The following ACSL6 variants were observed in gnomAD, a reference collection of about 807,000 sequenced individuals.
ACSL6 encodes the protein acyl-CoA synthetase long chain family member 6.
Under a neutral mutation model 98.2 loss-of-function variants are expected in ACSL6, and 47 were observed. The ratio of observed to expected loss-of-function variants is 0.48; its 90% CI spans 0.38 to 0.61. ACSL6 has a LOEUF of 0.61. Among genes scored for constraint, ACSL6 ranks in the 20% least tolerant of loss-of-function variants. The pLI is 0.00. For synonymous variants in ACSL6, 362 were observed against 336.9 expected (o/e 1.07, Z -0.82); for missense variants, 761 against 913.4 (o/e 0.83, Z 2.15).
At chr5:131,988,596 G>A in intron 6 of ACSL6, 1 of 1,612,944 alleles carries the variant, frequency 6.2e-7, no homozygotes. Context: ...CTTGGCAGCT[G>A]AGCCCTGTGG....
intron 9 of ACSL6, among the ~76,000 whole-genome samples, chr5:131,979,775 T>A (rs1753798946): frequency 1.3e-5 from 2 of 152,212 alleles, no homozygotes; most frequent in Admixed American, 1.3e-4. Context: ...CCTTTTCTGG[T>A]GCAATGTCAG....
intron 9 of ACSL6, chr5:131,985,131 C>A (rs1754105343): frequency 2.1e-6 from 1 of 480,574 alleles, no homozygotes; most frequent in African/African-American, 1.9e-5. Context: ...GACCTTCCCT[C>A]AGCACATGAT....
chr5:131,971,484 T>C, intron 14 of ACSL6, 66 bp downstream of exon 14: 1 of 1,349,138 alleles, frequency 7.4e-7, no homozygotes, highest in South Asian at 1.6e-5. Context: ...CAGTAGAGGG[T>C]ATAGTAGTTT....
At chr5:131,990,002 C>A in intron 4 of ACSL6, 98 bp downstream of exon 4, 1 of 1,277,798 alleles carries the variant, frequency 7.8e-7, no homozygotes, top group Non-Finnish European at 1.1e-6. Flanking sequence ...AAATAAATGA[C>A]CCTCTGAGAC....
At chr5:131,990,502 C>T (rs1245031742) in intron 3 of ACSL6, among the ~76,000 whole-genome samples, 1 of 152,150 alleles carries the variant, frequency 6.6e-6, no homozygotes. Context: ...GGCTGCCTCT[C>T]TTTGCCTCTT....
At chr5:131,975,949 T>C in intron 10 of ACSL6, 1 of 985,464 alleles carries the variant, frequency 1.0e-6, no homozygotes, top group South Asian at 4.7e-5. Flanking sequence ...AGTTTTCTAC[T>C]AAGTGTTTGG....
chr5:131,999,093 C>T (rs1028403464), intron 1 of ACSL6, among the ~76,000 whole-genome samples: 2 of 152,176 alleles, frequency 1.3e-5, no homozygotes, highest in Non-Finnish European at 2.9e-5. Flanking sequence ...GAAAAGAAAA[C>T]TACAACCTCT....
chr5:131,991,895 G>T (rs1248398504), intron 2 of ACSL6, among the ~76,000 whole-genome samples: 2 of 152,206 alleles, frequency 1.3e-5, no homozygotes, highest in African/African-American at 4.8e-5. Context: ...GTTTTCGAGT[G>T]GAAAGTTCTG....
rs1387058196 is a variant in ACSL6, at chr5:131,996,672, T to C, written c.50-2421A>G. ...ACTCTGAGCTTTGCATATTGTGGCATTCGGTGCAATGCTAGAGTTTTTACA... is the reference window on the plus strand; with the variant it reads ...ACTCTGAGCTTTGCATATTGTGGCACTCGGTGCAATGCTAGAGTTTTTACA... On this transcript the variant is annotated intron_variant, in intron 1 of 20. Transcript: ENST00000651883. 6.6e-5 allele frequency among the ~76,000 whole-genome samples: 10 copies of C among 152,350 alleles called. No homozygotes were observed. The South Asian group carries it at 2.1e-3, about 32-fold the overall frequency.
chr5:131,954,282 T>C lies in ACSL6; in HGVS notation c.2121A>G (p.Arg707=), dbSNP rs1314960666. The C allele has an allele frequency of 2.5e-6, 4 of 1,614,022 alleles. No individual in the cohort carries two copies. In the Admixed American group the frequency reaches 6.7e-5, roughly 27 times the overall value. Residue 707 remains arginine (R), a synonymous_variant, in exon 21 of 21, where the codon AGA becomes AGG. Transcript: ENST00000651883. ...PTLKAKRPEL[R]EYFKKQIEEL... Reference sequence around the variant, plus strand: ...CTTCTATTTGTTTTTTGAAGTACTCTCTCAGCTCAGGTCTCTTAGCTTTTA... The same window carrying C: ...CTTCTATTTGTTTTTTGAAGTACTCCCTCAGCTCAGGTCTCTTAGCTTTTA...
intron 9 of ACSL6, among the ~76,000 whole-genome samples, chr5:131,981,152 C>T (rs1341876406): frequency 3.9e-5 from 6 of 152,050 alleles, no homozygotes; most frequent in African/African-American, 1.2e-4. Context: ...ACCAAAGCTT[C>T]GGGGGCTTTG....
At chr5:132,011,906 G>T, upstream of ACSL6, 2 of 1,555,934 alleles carry the variant, frequency 1.3e-6, no homozygotes, top group Non-Finnish European at 8.7e-7. This position sits in a 1 kb window ranked among gnomAD's most constrained non-coding sequence, Gnocchi z 5.4. Context: ...GCTCTCCAAC[G>T]TCAGTACCTG....
At position 131,985,414 on chromosome 5, in the gene ACSL6, G is replaced by A. The variant is rs751373745; in HGVS notation, c.909C>T (p.Gly303=). 1.9e-6 allele frequency: 3 copies of A among 1,614,058 alleles called. No homozygotes were observed. The highest frequency in any genetic ancestry group is 2.2e-5 in the East Asian group (1 of 44,880). ...CTGCGTGCCTCTGCTTACCTGTCGT[G>A]CCGCTTGTGAAACACACAATGGAGA... is the stretch of plus-strand genomic sequence containing the variant. ...DDLSIVCFTS[G]TTGNPKGAML... Residue 303 remains glycine, a synonymous_variant, in exon 9 of 21, where the codon GGC becomes GGT. Transcript: ENST00000651883.
rs552541351 is a variant in ACSL6, at chr5:131,976,548, A to C, written c.990+100T>G. On this transcript the variant is annotated intron_variant, in intron 10 of 20. Transcript: ENST00000651883. ...TGGCAGCCCAGGTTATATCAAGAAAAAAAAAAAAAGAAAAAGAAAACAAAC... is the reference window on the plus strand; with the variant it reads ...TGGCAGCCCAGGTTATATCAAGAAACAAAAAAAAAGAAAAAGAAAACAAAC... 30 of 1,154,674 alleles carry C rather than the reference A, an allele frequency of 2.6e-5. 1 individual carries two copies. In the South Asian group the frequency reaches 4.2e-4, roughly 16 times the overall value. 71.5% of individuals were successfully genotyped at this position (1,154,674 alleles called of 1,614,324 possible).
At chr5:131,988,549 G>T (rs764630435) in intron 6 of ACSL6, 1 of 1,547,288 alleles carries the variant, frequency 6.5e-7, no homozygotes, top group Non-Finnish European at 8.8e-7. Context: ...ACTTCAGAGG[G>T]CTGTACCCTG....
At chr5:131,978,736 G>A (rs887839307) in intron 9 of ACSL6, among the ~76,000 whole-genome samples, 4 of 152,140 alleles carry the variant, frequency 2.6e-5, no homozygotes, top group African/African-American at 9.7e-5. Context: ...TACCCCCGCG[G>A]CACAAATTTA....
intron 6 of ACSL6, chr5:131,988,528 A>G: frequency 1.2e-6 from 2 of 1,607,762 alleles, no homozygotes; most frequent in Non-Finnish European, 1.7e-6. Flanking sequence ...ATCTGTGCCA[A>G]GCTGTCATGA....
At chr5:131,974,708 G>T in intron 11 of ACSL6, 185 bp downstream of exon 11, 1 of 1,569,032 alleles carries the variant, frequency 6.4e-7, no homozygotes, top group South Asian at 1.2e-5. Context: ...CACCCGCTAG[G>T]GTTATGGGTT....
chr5:131,974,902 T>G lies in ACSL6; in HGVS notation c.1059A>C (p.Arg353Ser), dbSNP rs757860438. The change falls in exon 11 of 21, where the codon AGA becomes AGC. Residue 353 changes from arginine to serine, a missense_variant. By Grantham distance (110) the Arg-to-Ser change is moderately radical. Transcript: ENST00000651883. ...CAGGTGGGTGTCTTACCTGGATTAC[T>G]CTCTCAAACATGTGAGCCAGAGGCA... is the stretch of plus-strand genomic sequence containing the variant. ...SFLPLAHMFERVIQSVVYCHG... is the reference protein window; with the variant it reads ...SFLPLAHMFESVIQSVVYCHG... 1.9e-6 allele frequency: 3 copies of G among 1,614,136 alleles called. No individual in the cohort carries two copies. Among genetic ancestry groups the G allele is most frequent in the Non-Finnish European group, 2.5e-6 (3 of 1,180,024 alleles).
Sources: gnomAD v4.1 joint callset for allele counts (sites outside exome capture counted in the v4.1 genomes callset) on GRCh38, gnomAD v4.1.1 for gene constraint, Gnocchi (gnomAD v3.1) non-coding constraint, MANE v1.5 for transcripts, NCBI Gene and HGNC (gene_info 2026-07-23, HGNC 2026-07-21) for gene names.